The following SPAG17 variants were observed in gnomAD, a reference collection of about 807,000 sequenced individuals.
SPAG17 encodes the protein sperm-associated antigen 17.
SPAG17 carries 169 observed loss-of-function variants against 273.6 expected under a neutral mutation model. That is an observed-to-expected ratio of 0.62 (90% confidence interval 0.55 to 0.70). The LOEUF (loss-of-function observed/expected upper bound fraction) is 0.70. Ranked by LOEUF, SPAG17 falls within the 30% of genes least tolerant of loss-of-function variation. The pLI, the probability that SPAG17 is intolerant of heterozygous loss-of-function variation, is 0.00. For synonymous variants in SPAG17, 825 were observed against 873.2 expected, an observed-to-expected ratio of 0.94 and a Z score of 0.97; for missense variants, 2,557 against 2,627.8, an observed-to-expected ratio of 0.97 and a Z score of 0.59.
chr1:118,114,830 A>G lies in SPAG17; in HGVS notation c.447+480T>C, dbSNP rs533320091. 4.6e-5 allele frequency among the ~76,000 whole-genome samples: 7 copies of G among 152,302 alleles called. No individual in the cohort carries two copies. In the South Asian group the frequency reaches 1.0e-3, roughly 23 times the overall value. ...GAAATTATCAGATGTGCAATATAGG[A>G]GTAGAAGTGATGGATTGCTGCTGAA... On this transcript the variant is annotated intron_variant, in intron 4 of 48. Coordinates refer to ENST00000336338, the MANE Select transcript of SPAG17 (RefSeq NM_206996.4).
chr1:118,159,505 A>ACCCT (rs1329870059), intron 1 of SPAG17, among the ~76,000 whole-genome samples: 1 of 152,208 alleles, frequency 6.6e-6, no homozygotes, highest in African/African-American at 2.4e-5. Context: ...GTCCTTTTGT[A>ACCCT]AATTTGTTGA....
At chr1:117,976,953 A>G (rs1210815957) in intron 43 of SPAG17, among the ~76,000 whole-genome samples, 1 of 152,186 alleles carries the variant, frequency 6.6e-6, no homozygotes, top group African/African-American at 2.4e-5. Context: ...TCTCTTATTT[A>G]CTTACACTGA....
At chr1:118,050,477 A>T (rs1650873593) in intron 20 of SPAG17, among the ~76,000 whole-genome samples, 1 of 152,178 alleles carries the variant, frequency 6.6e-6, no homozygotes, top group Non-Finnish European at 1.5e-5. Context: ...TAACAGTATC[A>T]CACTACCTGA....
At chr1:118,056,891 T>C (rs967439050) in intron 18 of SPAG17, among the ~76,000 whole-genome samples, 1 of 152,172 alleles carries the variant, frequency 6.6e-6, no homozygotes, top group African/African-American at 2.4e-5. Context: ...TTCTCTGGCA[T>C]TTTTAGTTGA....
chr1:118,117,040 TCTGA>T (rs1657128873), intron 3 of SPAG17, among the ~76,000 whole-genome samples: 1 of 152,240 alleles, frequency 6.6e-6, no homozygotes, highest in Non-Finnish European at 1.5e-5. Context: ...GTGAAAGCTG[TCTGA>T]CTGGGTCCAA....
In SPAG17 at chr1:118,023,411, C is replaced by A. The variant is rs149898484; in HGVS notation, c.3962G>T (p.Cys1321Phe). The change falls in exon 28 of 49, where the codon TGT becomes TTT. Residue 1321 changes from cysteine (C) to phenylalanine (F), a missense_variant. By Grantham distance (205) the Cys-to-Phe change is radical (BLOSUM62 -2). Transcript: ENST00000336338. ...VSRSPNSGLI[C>F]PPSEMPATPH... ...CGTTGCTGGCATTTCAGAAGGAGGA[C>A]AAATAAGACCTGAATTGGGACTCCT... 4.3e-5 allele frequency: 70 copies of A among 1,611,758 alleles called. No homozygotes were observed. The highest frequency in any genetic ancestry group is 5.8e-5 in the Non-Finnish European group (68 of 1,178,576).
chr1:118,159,803 A>T (rs1180505868), intron 1 of SPAG17, among the ~76,000 whole-genome samples: 1 of 152,182 alleles, frequency 6.6e-6, no homozygotes, highest in African/African-American at 2.4e-5. Flanking sequence ...CTATTAAAAC[A>T]CCACATGGAA....
intron 1 of SPAG17, among the ~76,000 whole-genome samples, chr1:118,181,798 T>C (rs1660962396): frequency 6.6e-6 from 1 of 152,204 alleles, no homozygotes; most frequent in South Asian, 2.1e-4. Context: ...ATGTAGCCAC[T>C]GTGCAAAATG....
intron 4 of SPAG17, among the ~76,000 whole-genome samples, chr1:118,106,717 T>C (rs1656421283): frequency 6.6e-6 from 1 of 152,240 alleles, no homozygotes; most frequent in African/African-American, 2.4e-5. Context: ...TTAAATTATT[T>C]TAAAGTTTAC....
intron 12 of SPAG17, 150 bp from the exon 13 acceptor site, chr1:118,086,222 T>G (rs1654982306): frequency 6.6e-6 from 5 of 757,912 alleles, no homozygotes; most frequent in Non-Finnish European, 1.0e-5. Flanking sequence ...CTTTTGGGAT[T>G]TTGCTGAAGG....
At chr1:118,074,733 T>C (rs1653935055) in intron 15 of SPAG17, 133 bp from the exon 16 acceptor site, 1 of 758,484 alleles carries the variant, frequency 1.3e-6, no homozygotes, top group Non-Finnish European at 2.2e-6. Flanking sequence ...AAGGCATGTT[T>C]TGTGCCTCCA....
At chr1:118,035,574 C>A (rs1320015087) in intron 24 of SPAG17, among the ~76,000 whole-genome samples, 2 of 152,088 alleles carry the variant, frequency 1.3e-5, no homozygotes, top group African/African-American at 4.8e-5. Flanking sequence ...AATGGACTCT[C>A]AAACTCAGTA....
At chr1:118,080,876 C>G (rs1321155763) in intron 15 of SPAG17, among the ~76,000 whole-genome samples, 1 of 151,984 alleles carries the variant, frequency 6.6e-6, no homozygotes, top group Non-Finnish European at 1.5e-5. Context: ...GTTTGCTGTG[C>G]TAAATTTACT....
chr1:118,068,136 G>C (rs1450020546), intron 17 of SPAG17, among the ~76,000 whole-genome samples: 1 of 150,744 alleles, frequency 6.6e-6, no homozygotes, highest in Admixed American at 6.6e-5. Flanking sequence ...TGAAGGCATG[G>C]AGTGATATAT....
intron 12 of SPAG17, 150 bp downstream of exon 12, chr1:118,086,521 T>C (rs539555118): frequency 1.4e-6 from 1 of 725,482 alleles, no homozygotes; most frequent in South Asian, 2.0e-5. Flanking sequence ...AGGTCCATTT[T>C]CCAGGTCCTA....
At chr1:118,111,551 A>AC (rs1357699956) in intron 4 of SPAG17, among the ~76,000 whole-genome samples, 382 of 31,320 alleles carry the variant, frequency 0.012, 2 homozygotes, top group African/African-American at 0.052. Context: ...TTCTTTTAAA[A>AC]CAACACACAC....
intron 32 of SPAG17, among the ~76,000 whole-genome samples, chr1:118,003,538 C>A (rs1658545424): frequency 6.6e-6 from 1 of 151,832 alleles, no homozygotes; most frequent in African/African-American, 2.4e-5. Context: ...CTCTAAATTT[C>A]TTTTCTCACT....
intron 20 of SPAG17, among the ~76,000 whole-genome samples, chr1:118,046,410 A>G (rs1650360466): frequency 6.6e-6 from 1 of 152,150 alleles, no homozygotes; most frequent in African/African-American, 2.4e-5. Context: ...TTGTAGCAAC[A>G]CAAAAAAATC....
intron 13 of SPAG17, among the ~76,000 whole-genome samples, chr1:118,085,686 A>C (rs1217822786): frequency 1.3e-5 from 2 of 152,208 alleles, no homozygotes; most frequent in African/African-American, 2.4e-5. Flanking sequence ...AAGAAAACAC[A>C]ACGGGAAAAA....
Sources: gnomAD v4.1 joint callset for allele counts (sites outside exome capture counted in the v4.1 genomes callset) on GRCh38, gnomAD v4.1.1 for gene constraint, MANE v1.5 for transcripts, NCBI Gene and HGNC (gene_info 2026-07-23, HGNC 2026-07-21) for gene names.